ARHGAP10: variants seen among roughly 807,000 people sequenced by gnomAD.
The protein encoded by ARHGAP10 is rho GTPase-activating protein 10.
A neutral mutation model predicts 108.6 loss-of-function variants in ARHGAP10; 87 were observed. The ratio of observed to expected loss-of-function variants is 0.80; its 90% CI spans 0.67 to 0.96. The LOEUF (loss-of-function observed/expected upper bound fraction) is 0.96. Ranked by LOEUF, ARHGAP10 falls within the 40% of genes least tolerant of loss-of-function variation. ARHGAP10 has a pLI of 0.00. For synonymous variants in ARHGAP10, 347 were observed against 341.1 expected (o/e 1.02, Z -0.19); for missense variants, 939 against 954.5 (o/e 0.98, Z 0.21).
chr4:148,056,798 A>G (rs552735149), intron 20 of ARHGAP10, among the ~76,000 whole-genome samples: 9 of 152,292 alleles, frequency 5.9e-5, no homozygotes, highest in Non-Finnish European at 1.0e-4. Flanking sequence ...TTCCCTTTGC[A>G]TAGCTGATTT....
At chr4:147,979,478 C>A (rs1325846407) in intron 18 of ARHGAP10, among the ~76,000 whole-genome samples, 1 of 151,374 alleles carries the variant, frequency 6.6e-6, no homozygotes, top group Non-Finnish European at 1.5e-5. Flanking sequence ...TTGAAGCCGG[C>A]TTTGTTCCTT....
At chr4:147,783,079 G>A (rs976461920) in intron 1 of ARHGAP10, among the ~76,000 whole-genome samples, 56 of 139,008 alleles carry the variant, frequency 4.0e-4, no homozygotes, top group African/African-American at 1.4e-3. Flanking sequence ...TATAAATTAT[G>A]TGTTAAATTA....
intron 15 of ARHGAP10, 123 bp from the exon 16 acceptor site, chr4:147,955,192 TC>T: frequency 1.2e-6 from 1 of 845,240 alleles, no homozygotes; most frequent in Non-Finnish European, 1.9e-6. Flanking sequence ...GTAAAGGTAT[TC>T]CCTAGGGAAG....
intron 20 of ARHGAP10, among the ~76,000 whole-genome samples, chr4:148,053,821 C>T (rs1251161125): frequency 5.3e-5 from 8 of 152,264 alleles, no homozygotes; most frequent in Admixed American, 1.3e-4. Context: ...TTGGTATCTG[C>T]GTTGTGTACT....
At chr4:148,055,612 T>C (rs1205439247) in intron 20 of ARHGAP10, among the ~76,000 whole-genome samples, 1 of 152,142 alleles carries the variant, frequency 6.6e-6, no homozygotes, top group Non-Finnish European at 1.5e-5. Flanking sequence ...TGCTTGAACC[T>C]GGAAGGCGGA....
chr4:147,746,458 C>T (rs371794133), intron 1 of ARHGAP10, among the ~76,000 whole-genome samples: 24 of 145,746 alleles, frequency 1.6e-4, no homozygotes, highest in African/African-American at 5.9e-4. Context: ...TGGAATGCAG[C>T]GGCGCGATCT....
At chr4:148,008,469 A>G (rs1054210165) in intron 18 of ARHGAP10, among the ~76,000 whole-genome samples, 3 of 150,826 alleles carry the variant, frequency 2.0e-5, no homozygotes, top group African/African-American at 7.3e-5. Flanking sequence ...GGTGATCCCC[A>G]CTGGGGGTGG....
chr4:147,789,964 T>C (rs556642611), intron 1 of ARHGAP10, among the ~76,000 whole-genome samples: 1 of 151,222 alleles, frequency 6.6e-6, no homozygotes, highest in South Asian at 2.1e-4. Flanking sequence ...GTGTTCGTAA[T>C]GAACAGAAAG....
intron 18 of ARHGAP10, among the ~76,000 whole-genome samples, chr4:148,021,481 G>A (rs1741565265): frequency 6.6e-6 from 1 of 152,168 alleles, no homozygotes; most frequent in Admixed American, 6.5e-5. Context: ...TTCTATTCTG[G>A]TGACATCCTA....
intron 13 of ARHGAP10, among the ~76,000 whole-genome samples, chr4:147,918,133 A>ATTTTTTTTTTT (rs760617123): frequency 3.8e-5 from 5 of 129,998 alleles, no homozygotes; most frequent in East Asian, 2.2e-4. Context: ...TCTCATTAAG[A>ATTTTTTTTTTT]TTTTTTTTTT....
At chr4:148,036,844 A>T (rs961044669) in intron 19 of ARHGAP10, among the ~76,000 whole-genome samples, 6 of 152,158 alleles carry the variant, frequency 3.9e-5, no homozygotes, top group Non-Finnish European at 5.9e-5. Flanking sequence ...TGTACTGGTC[A>T]TTCCATGTAT....
intron 1 of ARHGAP10, among the ~76,000 whole-genome samples, chr4:147,815,490 G>A (rs1203895402): frequency 1.3e-5 from 2 of 152,054 alleles, no homozygotes; most frequent in Non-Finnish European, 2.9e-5. Flanking sequence ...GGGGGGAGGA[G>A]GTTATCTTGG....
intron 1 of ARHGAP10, among the ~76,000 whole-genome samples, chr4:147,816,771 CAGGAAAACGTGA>C (rs1732265092): frequency 6.6e-6 from 1 of 152,162 alleles, no homozygotes; most frequent in African/African-American, 2.4e-5. Context: ...TTTTGTAAAA[CAGGAAAACGTGA>C]AGGAAAATAT....
intron 10 of ARHGAP10, 86 bp from the exon 11 acceptor site, chr4:147,906,552 A>G: frequency 7.4e-7 from 1 of 1,345,496 alleles, no homozygotes; most frequent in Non-Finnish European, 1.0e-6. Flanking sequence ...AAAGTAAAAA[A>G]AAAATGGTTA....
At chr4:147,899,613 T>C (rs1218624823) in intron 10 of ARHGAP10, among the ~76,000 whole-genome samples, 2 of 152,132 alleles carry the variant, frequency 1.3e-5, no homozygotes, top group Admixed American at 6.5e-5. Flanking sequence ...CTGACTGTCA[T>C]TGCTCGTGTG....
At chr4:147,831,886 C>T (rs937985973) in intron 3 of ARHGAP10, among the ~76,000 whole-genome samples, 1 of 152,178 alleles carries the variant, frequency 6.6e-6, no homozygotes, top group Middle Eastern at 3.2e-3. Context: ...GGACCCCTTT[C>T]CCTGCAAGGC....
intron 1 of ARHGAP10, among the ~76,000 whole-genome samples, chr4:147,818,435 A>C (rs1579079612): frequency 1.3e-5 from 2 of 152,156 alleles, no homozygotes; most frequent in East Asian, 3.9e-4. Context: ...GGGTGATGGC[A>C]TATGCCTGTA....
intron 10 of ARHGAP10, among the ~76,000 whole-genome samples, chr4:147,884,467 G>A (rs1294246980): frequency 1.3e-5 from 2 of 152,098 alleles, no homozygotes; most frequent in East Asian, 1.9e-4. Context: ...AAAAAAAGTG[G>A]GTTCCCTTAT....
chr4:147,931,574 G>T (rs902016538), intron 13 of ARHGAP10, among the ~76,000 whole-genome samples: 1 of 151,980 alleles, frequency 6.6e-6, no homozygotes, highest in African/African-American at 2.4e-5. Context: ...TCTATACAAG[G>T]CACCATAAAA....
Sources: allele counts gnomAD v4.1 joint callset (sites outside exome capture counted in the v4.1 genomes callset), GRCh38; gene constraint gnomAD v4.1.1; transcripts MANE v1.5; gene names NCBI Gene and HGNC (gene_info 2026-07-23, HGNC 2026-07-21).